The following GLCCI1 variants were observed in gnomAD, a reference collection of about 807,000 sequenced individuals.
GLCCI1 encodes glucocorticoid induced 1.
A neutral mutation model predicts 52.2 loss-of-function variants in GLCCI1; 24 were observed. That is an observed-to-expected ratio of 0.46 (90% CI 0.33 to 0.65). The LOEUF (loss-of-function observed/expected upper bound fraction) is 0.65, where lower values mean the gene tolerates loss of function less well. Ranked by LOEUF, GLCCI1 falls within the 30% of genes least tolerant of loss-of-function variation. The pLI is 0.02. For synonymous variants in GLCCI1, 310 were observed against 276.5 expected, an observed-to-expected ratio of 1.12 and a Z score of -1.20; for missense variants, 704 against 701.5, an observed-to-expected ratio of 1.00 and a Z score of -0.04.
Position 8,086,103 on chromosome 7 carries a change from A to T in GLCCI1, c.1299-90A>T. 9.4e-7 allele frequency: 1 copy of T among 1,067,680 alleles called. No homozygotes were observed. The highest frequency in any genetic ancestry group is 1.4e-6 in the Non-Finnish European group (1 of 733,046). The allele number at this position is 1,067,680 out of a possible 1,614,324, so 66.1% of individuals were successfully genotyped here. On this transcript the variant is annotated intron_variant, in intron 7 of 7. Transcript: ENST00000223145. This position sits in a 1 kb window ranked among gnomAD's most constrained non-coding sequence, Gnocchi z 4.4. ...ACCCATCTCCTGCCATTTACATTTT[A>T]GCTGTTTTAGAGAACTCCAGTTAAT...
At chr7:8,074,426 G>T (rs1350483089) in intron 6 of GLCCI1, among the ~76,000 whole-genome samples, 1 of 152,014 alleles carries the variant, frequency 6.6e-6, no homozygotes, top group Non-Finnish European at 1.5e-5. Flanking sequence ...AATTATTTCT[G>T]TGATCCCAGC....
chr7:7,999,343 C>T (rs761918762), intron 1 of GLCCI1, among the ~76,000 whole-genome samples: 1 of 152,264 alleles, frequency 6.6e-6, no homozygotes, highest in East Asian at 1.9e-4. Flanking sequence ...TATTGTGACT[C>T]ATGCCTGTAA....
intron 2 of GLCCI1, among the ~76,000 whole-genome samples, chr7:8,012,286 A>G (rs1295587652): frequency 6.6e-6 from 1 of 151,970 alleles, no homozygotes; most frequent in East Asian, 1.9e-4. Context: ...TTTTGGAGAA[A>G]TGTCTATTCA....
chr7:8,045,608 C>T (rs1162216454), intron 3 of GLCCI1, among the ~76,000 whole-genome samples: 1 of 152,100 alleles, frequency 6.6e-6, no homozygotes, highest in East Asian at 1.9e-4. Flanking sequence ...ATACTATACC[C>T]GAAATAATTC....
At position 8,024,523 on chromosome 7, in the gene GLCCI1, G is replaced by A. The variant is rs192615680; in HGVS notation, c.696+1954G>A. On this transcript the variant is annotated intron_variant, in intron 3 of 7. Coordinates refer to ENST00000223145, the MANE Select transcript of GLCCI1 (RefSeq NM_138426.4). Reference sequence around the variant, plus strand: ...TTTAGGCTGAAAGGAAGTAACGCCAGATATTAATTTGAATCCGTAGGAAGA... The same window carrying A: ...TTTAGGCTGAAAGGAAGTAACGCCAAATATTAATTTGAATCCGTAGGAAGA... Among the ~76,000 whole-genome samples the A allele has an allele frequency of 1.1e-3, 165 of 152,316 alleles. 2 individuals are homozygous for A. Among genetic ancestry groups the A allele is most frequent in the African/African-American group, 3.7e-3 (152 of 41,572 alleles).
chr7:8,043,049 G>C (rs76910783), intron 3 of GLCCI1, among the ~76,000 whole-genome samples: 2,278 of 152,280 alleles, frequency 0.015, 53 homozygotes, highest in East Asian at 0.084. Context: ...TACGAGACAA[G>C]AGCTTCACCA....
At chr7:8,027,023 C>G (rs1197498249) in intron 3 of GLCCI1, among the ~76,000 whole-genome samples, 1 of 152,184 alleles carries the variant, frequency 6.6e-6, no homozygotes, top group African/African-American at 2.4e-5. Flanking sequence ...AGGACAGGCA[C>G]AAACAAGCCC....
At chr7:7,971,420 G>C (rs1202449882) in intron 1 of GLCCI1, among the ~76,000 whole-genome samples, 1 of 152,194 alleles carries the variant, frequency 6.6e-6, no homozygotes, top group Non-Finnish European at 1.5e-5. Flanking sequence ...ACAGAAAACA[G>C]TTACATAAAT....
chr7:8,013,084 G>A (rs1781302468), intron 2 of GLCCI1, among the ~76,000 whole-genome samples: 1 of 152,168 alleles, frequency 6.6e-6, no homozygotes, highest in African/African-American at 2.4e-5. Context: ...TACCGTATAT[G>A]CTAGGGTTTA....
intron 1 of GLCCI1, among the ~76,000 whole-genome samples, chr7:7,985,380 G>T (rs1395196995): frequency 6.6e-6 from 1 of 152,098 alleles, no homozygotes; most frequent in Admixed American, 6.5e-5. Flanking sequence ...CAGAGTAGAG[G>T]TTCATGATCA....
At chr7:8,057,258 A>C (rs13222222) in intron 4 of GLCCI1, among the ~76,000 whole-genome samples, 4,026 of 152,252 alleles carry the variant, frequency 0.026, 87 homozygotes, top group East Asian at 0.09. Context: ...GAATCTTCTC[A>C]GAGGCGTTAT....
At chr7:7,986,486 C>G (rs891774503) in intron 1 of GLCCI1, among the ~76,000 whole-genome samples, 13 of 151,758 alleles carry the variant, frequency 8.6e-5, no homozygotes, top group Non-Finnish European at 1.6e-4. Flanking sequence ...GATCACACCA[C>G]TGCACTCCAG....
intron 5 of GLCCI1, among the ~76,000 whole-genome samples, chr7:8,069,052 G>T (rs1003593347): frequency 1.3e-5 from 2 of 152,152 alleles, no homozygotes; most frequent in Non-Finnish European, 2.9e-5. Context: ...GAAAGTGTGG[G>T]CTCCTCTCCT....
At chr7:8,011,962 C>T (rs1781271049) in intron 2 of GLCCI1, among the ~76,000 whole-genome samples, 1 of 152,000 alleles carries the variant, frequency 6.6e-6, no homozygotes, top group Non-Finnish European at 1.5e-5. Flanking sequence ...ACTGCAGGCA[C>T]ACGCCACCAC....
chr7:7,978,731 G>A (rs911020523), intron 1 of GLCCI1, among the ~76,000 whole-genome samples: 6 of 152,084 alleles, frequency 3.9e-5, no homozygotes, highest in African/African-American at 1.4e-4. Context: ...TATATCAGTT[G>A]TACATTGAAT....
rs144453757 is a variant in GLCCI1, at chr7:8,038,952, G to A, written c.696+16383G>A. 1.9e-3 allele frequency among the ~76,000 whole-genome samples: 296 copies of A among 152,080 alleles called. 2 individuals are homozygous for A. The highest frequency in any genetic ancestry group is 7.0e-3 in the African/African-American group (290 of 41,486). On this transcript the variant is annotated intron_variant, in intron 3 of 7. Coordinates refer to ENST00000223145, the MANE Select transcript of GLCCI1 (RefSeq NM_138426.4). ...TAACCCTGTTAAAAAGTGGATAAAG[G>A]ACATGAACAAACATTTTTCAAAAGA...
At position 8,012,918 on chromosome 7, in the gene GLCCI1, G is replaced by A. The variant is rs1781299664; in HGVS notation, c.609+8859G>A. 2.0e-5 allele frequency among the ~76,000 whole-genome samples: 3 copies of A among 152,132 alleles called. No individual in the cohort carries two copies. The South Asian group carries it at 6.2e-4, about 32-fold the overall frequency. On this transcript the variant is annotated intron_variant, in intron 2 of 7. Transcript: ENST00000223145. ...TTCTTCTAAGAATTTTAGCCTTTAA[G>A]TTTATGTCTTTGATCCATTTGAGTC...
At chr7:8,063,261 C>A (rs1782555705) in intron 5 of GLCCI1, among the ~76,000 whole-genome samples, 1 of 152,120 alleles carries the variant, frequency 6.6e-6, no homozygotes, top group South Asian at 2.1e-4. Context: ...CCTCAGCCTC[C>A]CAAATGGCTG....
intron 1 of GLCCI1, among the ~76,000 whole-genome samples, chr7:7,987,534 A>G: frequency 6.6e-6 from 1 of 151,998 alleles, no homozygotes; most frequent in African/African-American, 2.4e-5. Context: ...TTTCTATTTC[A>G]CTCTAACAAA....
Sources: gnomAD v4.1 joint callset for allele counts (sites outside exome capture counted in the v4.1 genomes callset) on GRCh38, gnomAD v4.1.1 for gene constraint, Gnocchi (gnomAD v3.1) non-coding constraint, MANE v1.5 for transcripts, NCBI Gene and HGNC (gene_info 2026-07-23, HGNC 2026-07-21) for gene names.